WDFY3: variants seen among roughly 807,000 people sequenced by gnomAD.
WDFY3 encodes WD repeat and FYVE domain-containing protein 3.
WDFY3 carries 66 observed loss-of-function variants against 409.6 expected under a neutral mutation model. The ratio of observed to expected loss-of-function variants is 0.16; its 90% CI spans 0.13 to 0.20. WDFY3 has a LOEUF of 0.20. WDFY3 is among the 10% of genes least tolerant of loss of function. The probability of loss-of-function intolerance (pLI) is 1.00; values close to 1 mark genes in which losing one functional copy is unlikely to be tolerated. For missense variants in WDFY3, 3,031 were observed against 4,298.1 expected, an observed-to-expected ratio of 0.71 and a Z score of 8.24; for synonymous variants, 1,521 against 1,537.1, an observed-to-expected ratio of 0.99 and a Z score of 0.25.
At chr4:84,827,908 G>C (rs1381316242) in intron 9 of WDFY3, among the ~76,000 whole-genome samples, 3 of 152,064 alleles carry the variant, frequency 2.0e-5, no homozygotes, top group Non-Finnish European at 2.9e-5. Flanking sequence ...CTTGAGGCTA[G>C]AGTTTGGCAC....
intron 3 of WDFY3, among the ~76,000 whole-genome samples, chr4:84,887,532 T>C (rs911498910): frequency 6.6e-6 from 1 of 152,208 alleles, no homozygotes; most frequent in African/African-American, 2.4e-5. Flanking sequence ...TAAGGAACTC[T>C]CATTTCCTGC....
intron 36 of WDFY3, among the ~76,000 whole-genome samples, chr4:84,751,032 G>A (rs1740422959): frequency 6.6e-6 from 1 of 152,256 alleles, no homozygotes; most frequent in Non-Finnish European, 1.5e-5. Context: ...AATGTCCAGG[G>A]AAGGGGTTGG....
chr4:84,790,367 A>C (rs1199223952), intron 21 of WDFY3, among the ~76,000 whole-genome samples: 1 of 152,146 alleles, frequency 6.6e-6, no homozygotes, highest in Non-Finnish European at 1.5e-5. Context: ...TAAGTAAATA[A>C]AAATAAAAAG....
chr4:84,847,197 T>C (rs982669999), intron 5 of WDFY3, among the ~76,000 whole-genome samples: 3 of 152,000 alleles, frequency 2.0e-5, no homozygotes, highest in Non-Finnish European at 2.9e-5. Context: ...AAGCAGAGAC[T>C]GGACAATTCT....
chr4:84,848,545 A>G lies in WDFY3; in HGVS notation c.304+1357T>C, dbSNP rs137870036. Among the ~76,000 whole-genome samples the G allele has an allele frequency of 4.6e-3, 701 of 152,322 alleles. 6 individuals are homozygous for G. The highest frequency in any genetic ancestry group is 0.016 in the African/African-American group (658 of 41,568). On this transcript the variant is annotated intron_variant, in intron 5 of 67. Coordinates refer to ENST00000295888, the MANE Select transcript of WDFY3 (RefSeq NM_014991.6). The stretch of plus-strand genomic sequence containing the variant: ...CCATGGTCAACTTTCCCAGGCAATT[A>G]GTAGCTTCTAATCTCTGCTAAGAGG...
chr4:84,895,552 G>A (rs980728124), intron 3 of WDFY3, among the ~76,000 whole-genome samples: 6 of 152,034 alleles, frequency 3.9e-5, no homozygotes, highest in Non-Finnish European at 8.8e-5. Context: ...TGGAGATGAG[G>A]CTTGCAGAGA....
intron 51 of WDFY3, among the ~76,000 whole-genome samples, chr4:84,710,385 G>A (rs1732683206): frequency 2.0e-5 from 3 of 152,124 alleles, no homozygotes; most frequent in Admixed American, 2.0e-4. Flanking sequence ...TTTGGGGACA[G>A]CAGACTTCCT....
intron 12 of WDFY3, 129 bp downstream of exon 12, chr4:84,819,956 A>G: frequency 1.3e-6 from 1 of 744,692 alleles, no homozygotes; most frequent in Non-Finnish European, 2.1e-6. Flanking sequence ...TAGGGACATG[A>G]CGGGTACCAT....
intron 4 of WDFY3, among the ~76,000 whole-genome samples, chr4:84,859,722 C>T (rs534440051): frequency 5.9e-5 from 9 of 152,148 alleles, no homozygotes; most frequent in Admixed American, 4.6e-4. Context: ...ATTACAGGCA[C>T]GTGCCACCAC....
Position 84,683,936 on chromosome 4 carries a change from C to T in WDFY3, c.9726+7G>A. The stretch of plus-strand genomic sequence containing the variant: ...ATCCTAATGAGTTTTTCTCTCAGTT[C>T]ACTTACCCGAACCACTCCATCTGAG... On this transcript the variant is annotated splice_region_variant and intron_variant, in intron 63 of 67. Transcript: ENST00000295888. The T allele has an allele frequency of 6.4e-7, 1 of 1,572,778 alleles. No homozygotes were observed. Among genetic ancestry groups the T allele is most frequent in the Non-Finnish European group, 8.7e-7 (1 of 1,150,844 alleles).
In WDFY3 at chr4:84,831,349, C is replaced by A. The variant is rs751395892; in HGVS notation, c.769+64G>T. On this transcript the variant is annotated intron_variant, in intron 8 of 67. Transcript: ENST00000295888. The stretch of plus-strand genomic sequence containing the variant: ...AGAATACTGAAAGATAAAAATAAAT[C>A]TATTATTAAATGAAGAAAAGTGGAA... The A allele has an allele frequency of 2.1e-5, 24 of 1,158,610 alleles. No individual in the cohort carries two copies. In the East Asian group the frequency reaches 5.0e-4, roughly 24 times the overall value. 71.8% of individuals were successfully genotyped at this position (1,158,610 alleles called of 1,614,324 possible).
At chr4:84,937,641 A>T (rs1051426936) in intron 1 of WDFY3, among the ~76,000 whole-genome samples, 1 of 152,144 alleles carries the variant, frequency 6.6e-6, no homozygotes, top group Non-Finnish European at 1.5e-5. Flanking sequence ...ATAAATCATA[A>T]ATCGTATAAC....
At chr4:84,820,037 A>G (rs757956418) in intron 12 of WDFY3, 48 bp downstream of exon 12, 1 of 1,447,612 alleles carries the variant, frequency 6.9e-7, no homozygotes, top group South Asian at 1.3e-5. Context: ...CAGAAGATGT[A>G]ATCAGTGGTA....
intron 32 of WDFY3, among the ~76,000 whole-genome samples, chr4:84,762,608 T>TAGA (rs897582576): frequency 6.6e-6 from 1 of 151,766 alleles, no homozygotes; most frequent in Non-Finnish European, 1.5e-5. Flanking sequence ...AAACTTGAAG[T>TAGA]ATAATAATAA....
At chr4:84,873,593 G>GA (rs1344842684) in intron 3 of WDFY3, among the ~76,000 whole-genome samples, 1 of 150,486 alleles carries the variant, frequency 6.6e-6, no homozygotes, top group Non-Finnish European at 1.5e-5. Context: ...ACTAGAAAAA[G>GA]AAAAGTAGTT....
chr4:84,679,232 G>C lies in WDFY3; in HGVS notation c.9834C>G (p.Ala3278=). The C allele has an allele frequency of 6.5e-7, 1 of 1,536,528 alleles. No individual in the cohort carries two copies. Among genetic ancestry groups the C allele is most frequent in the Non-Finnish European group, 8.8e-7 (1 of 1,136,196 alleles). The change falls in exon 65 of 68, where the codon GCC becomes GCG. Residue 3278 remains alanine, a synonymous_variant. Transcript: ENST00000295888. ...DCPEAQIGQE[A]QDEDSSDSEA... is the part of the protein sequence containing the mutation. ...CTGAATCACTGCTGTCCTCGTCTTG[G>C]GCTTCCTGCCCTGGGTGAAGCATTG...
chr4:84,850,323 C>CT (rs917057744), intron 4 of WDFY3, among the ~76,000 whole-genome samples: 2 of 147,164 alleles, frequency 1.4e-5, no homozygotes, highest in African/African-American at 2.5e-5. Context: ...TATAACGTTT[C>CT]TTTTTTTTTG....
intron 56 of WDFY3, among the ~76,000 whole-genome samples, chr4:84,700,360 C>T (rs1224069231): frequency 7.9e-5 from 12 of 152,206 alleles, no homozygotes; most frequent in Admixed American, 3.9e-4. Context: ...CACATCACCA[C>T]GCCCAGCTAA....
At position 84,683,943 on chromosome 4, in the gene WDFY3, C is replaced by G; in HGVS notation, c.9726G>C (p.Arg3242=). 6.3e-6 allele frequency: 10 copies of G among 1,582,580 alleles called. No homozygotes were observed. The highest frequency in any genetic ancestry group is 8.6e-6 in the Non-Finnish European group (10 of 1,156,586). Reference sequence around the variant, plus strand: ...TGAGTTTTTCTCTCAGTTCACTTACCCGAACCACTCCATCTGAGTGTCCTG... The same window carrying G: ...TGAGTTTTTCTCTCAGTTCACTTACGCGAACCACTCCATCTGAGTGTCCTG... ...IVTGHSDGVV[R]FWRMEFLQVP... is the part of the protein sequence containing the mutation. The change falls in exon 63 of 68, where the codon CGG becomes CGC. Residue 3242 remains arginine, a splice_region_variant and synonymous_variant. Transcript: ENST00000295888.
Sources: allele counts gnomAD v4.1 joint callset (sites outside exome capture counted in the v4.1 genomes callset), GRCh38; gene constraint gnomAD v4.1.1; transcripts MANE v1.5; gene names NCBI Gene and HGNC (gene_info 2026-07-23, HGNC 2026-07-21).